Variants in MUC3A observed in about 807,000 individuals in gnomAD.
MUC3A encodes the protein mucin 3A, cell surface associated, also known as mucin-3A.
A neutral mutation model predicts 109.0 loss-of-function variants in MUC3A; 109 were observed. The observed-to-expected ratio is 1.00, with a 90% CI of 0.86 to 1.17. The LOEUF (loss-of-function observed/expected upper bound fraction) is 1.17, where lower values mean the gene tolerates loss of function less well. Ranked by LOEUF, MUC3A falls within the 50% of genes most tolerant of loss-of-function variation. The pLI is 0.00. For synonymous variants in MUC3A, 1,398 were observed against 981.4 expected, an observed-to-expected ratio of 1.42 and a Z score of -7.93; for missense variants, 3,537 against 2,469.4, an observed-to-expected ratio of 1.43 and a Z score of -9.16.
At position 100,951,902 on chromosome 7, in the gene MUC3A, C is replaced by A. The variant is rs573026294; in HGVS notation, c.123C>A (p.Ser41Arg). Residue 41 changes from serine to arginine, a missense_variant, in exon 2 of 12, where the codon AGC becomes AGA. Coordinates refer to ENST00000379458, the MANE Select transcript of MUC3A (RefSeq NM_005960.2). ...QVPFPRAEAA[S>R]AVLSNSPHSR... ...CTTTCCCCAGAGCAGAAGCAGCCAG[C>A]GCTGTGCTCAGCAATTCTCCACACT... 3.1e-5 allele frequency: 49 copies of A among 1,598,532 alleles called. No homozygotes were observed. The highest frequency in any genetic ancestry group is 6.7e-5 in the East Asian group (3 of 44,902).
rs78069287 is a variant in MUC3A, at chr7:100,952,922, G to A, written c.1143G>A (p.Thr381=). Residue 381 remains threonine, a synonymous_variant, in exon 2 of 12, where the codon ACG becomes ACA. Transcript: ENST00000379458. ...CTCTCCCAACCACAGAAACAGCCAC[G>A]ACTCCTATGACAAACTTGGTAACCA... is the stretch of plus-strand genomic sequence containing the variant. ...SSSLPTTETA[T]TPMTNLVTTT... The A allele has an allele frequency of 3.5e-5, 55 of 1,579,646 alleles. No homozygotes were observed. Among genetic ancestry groups the A allele is most frequent in the Middle Eastern group, 1.7e-4 (1 of 6,038 alleles).
In MUC3A at chr7:100,957,059, TC is replaced by T. The variant is rs1167574651; in HGVS notation, c.5286del (p.Ile1763SerfsTer11). 3 of 466,420 alleles carry T rather than the reference TC, an allele frequency of 6.4e-6. No individual in the cohort carries two copies. The highest frequency in any genetic ancestry group is 6.6e-5 in the South Asian group (1 of 15,044). The allele number at this position is 466,420 out of a possible 1,614,324, so 28.9% of individuals were successfully genotyped here. A position where few individuals can be genotyped will look rare whatever the true frequency, so the allele number is the denominator to read the frequency against. ...GSFKTAVSST[P>X]PITSSITSTY... ...CTTTCAAAACAGCCGTGAGTTCTAC[TC>T]CCCCCATCACTTCTTCAATCACCTC... On this transcript the variant is annotated frameshift_variant, in exon 2 of 12. Transcript: ENST00000379458. LOFTEE classifies it high-confidence loss of function.
chr7:100,964,081 G>A, intron 5 of MUC3A: 4 of 489,328 alleles, frequency 8.2e-6, no homozygotes, highest in East Asian at 3.7e-5. Context: ...GAGAGAGAAA[G>A]AGAGAGAGGG....
Position 100,959,083 on chromosome 7 carries a change from C to G in MUC3A, c.7304C>G (p.Thr2435Ser), listed in dbSNP as rs748844113. 15 of 1,526,790 alleles carry G rather than the reference C, an allele frequency of 9.8e-6. No individual in the cohort carries two copies. The highest frequency in any genetic ancestry group is 1.3e-5 in the Non-Finnish European group (15 of 1,149,804). The allele number at this position is 1,526,790 out of a possible 1,614,324, so 94.6% of individuals were successfully genotyped here. ...ACTTCTTCAATCACCACCACTGAGACCACCTCAGAGAGTACTCCCAGCCTC... is the reference window on the plus strand; with the variant it reads ...ACTTCTTCAATCACCACCACTGAGAGCACCTCAGAGAGTACTCCCAGCCTC... ...GFTSSITTTE[T>S]TSESTPSLSS... The change falls in exon 2 of 12, where the codon ACC becomes AGC. Residue 2435 changes from threonine (T) to serine (S), a missense_variant. By Grantham distance (58) the Thr-to-Ser change is moderately conservative. Coordinates refer to ENST00000379458, the MANE Select transcript of MUC3A (RefSeq NM_005960.2).
Position 100,958,556 on chromosome 7 carries a change from G to T in MUC3A, c.6777G>T (p.Ser2259=). The change falls in exon 2 of 12, where the codon TCG becomes TCT. Residue 2259 remains serine, a synonymous_variant. Transcript: ENST00000379458. ...ACAGTACTCCCAGCTTCACTTCTTC[G>T]ATCACCACCACTGAGACCACCTCAC... The part of the protein sequence containing the change: ...TSHSTPSFTS[S]ITTTETTSHD... The T allele has an allele frequency of 2.4e-5, 5 of 212,460 alleles. No individual in the cohort carries two copies. The highest frequency in any genetic ancestry group is 2.6e-5 in the Non-Finnish European group (4 of 153,332). 13.2% of individuals were successfully genotyped at this position (212,460 alleles called of 1,614,324 possible).
Position 100,960,409 on chromosome 7 carries a change from C to T in MUC3A, c.8630C>T (p.Ser2877Phe). The T allele has an allele frequency of 6.3e-7, 1 of 1,598,550 alleles. No homozygotes were observed. Among genetic ancestry groups the T allele is most frequent in the Non-Finnish European group, 8.5e-7 (1 of 1,179,822 alleles). The change falls in exon 2 of 12, where the codon TCT becomes TTT. Residue 2877 changes from serine to phenylalanine, a missense_variant. Physicochemically the swap from Ser to Phe is radical, Grantham distance 155. Transcript: ENST00000379458. The part of the protein sequence containing the change: ...PTSETWLSNS[S>F]VIPLPLPGVS... The stretch of plus-strand genomic sequence containing the variant: ...AGTGAGACCTGGCTGAGCAACAGTT[C>T]TGTGATCCCCCTACCTCTTCCTGGC...
chr7:100,966,875 T>C, intron 10 of MUC3A, 24 bp from the exon 11 acceptor site: 1 of 1,598,512 alleles, frequency 6.3e-7, no homozygotes, highest in Non-Finnish European at 8.5e-7. Context: ...CCCCTTCTCT[T>C]TCTCCGCTCC....
In MUC3A at chr7:100,967,300, C is replaced by T. The variant is rs587682187; in HGVS notation, c.*138C>T. ...TCTTGGGCAAGATGAGACTGTTCCCCCAAATCCCATCCTTCTCCTTCCAAC... is the reference window on the plus strand; with the variant it reads ...TCTTGGGCAAGATGAGACTGTTCCCTCAAATCCCATCCTTCTCCTTCCAAC... On this transcript the variant is annotated 3_prime_UTR_variant, in exon 12 of 12. Coordinates refer to ENST00000379458, the MANE Select transcript of MUC3A (RefSeq NM_005960.2). 33 of 1,372,430 alleles carry T rather than the reference C, an allele frequency of 2.4e-5. No individual in the cohort carries two copies. In the African/African-American group the frequency reaches 3.4e-4, roughly 14 times the overall value. 85.0% of individuals were successfully genotyped at this position (1,372,430 alleles called of 1,614,324 possible). A position where few individuals can be genotyped will look rare whatever the true frequency, so the allele number is the denominator to read the frequency against.
chr7:100,966,305 AC>A, intron 8 of MUC3A, 80 bp from the exon 9 acceptor site: 1 of 1,139,524 alleles, frequency 8.8e-7, no homozygotes, highest in East Asian at 3.5e-5. Context: ...CCGCCCCCTC[AC>A]CCGCCCCCGC....
At position 100,967,188 on chromosome 7, in the gene MUC3A, C is replaced by A. The variant is rs143536045; in HGVS notation, c.*26C>A. 1.9e-6 allele frequency: 3 copies of A among 1,598,356 alleles called. No homozygotes were observed. The highest frequency in any genetic ancestry group is 1.7e-6 in the Non-Finnish European group (2 of 1,179,796). On this transcript the variant is annotated 3_prime_UTR_variant, in exon 12 of 12. Coordinates refer to ENST00000379458, the MANE Select transcript of MUC3A (RefSeq NM_005960.2). ...GCCCTGCGGGGCCCCTTCACCACCC[C>A]CTCCGCCCTGCCCCGGACACAAGGG...
chr7:100,951,129 C>G (rs952019286), intron 1 of MUC3A, among the ~76,000 whole-genome samples: 2 of 152,204 alleles, frequency 1.3e-5, no homozygotes, highest in African/African-American at 4.8e-5. Context: ...CCTGCCTCAG[C>G]TACAGGTACA....
In MUC3A at chr7:100,959,417, C is replaced by G. The variant is rs202192758; in HGVS notation, c.7638C>G (p.Pro2546=). The change falls in exon 2 of 12, where the codon CCC becomes CCG. Residue 2546 remains proline (P), a synonymous_variant. Coordinates refer to ENST00000379458, the MANE Select transcript of MUC3A (RefSeq NM_005960.2). The part of the protein sequence containing the change: ...ETSSLVGTTS[P]TMSTVRMTLR... ...CATCCCTTGTGGGCACCACCTCTCC[C>G]ACCATGTCCACTGTGAGAATGACCC... The G allele has an allele frequency of 1.1e-3, 1,708 of 1,536,124 alleles. No individual in the cohort carries two copies. The highest frequency in any genetic ancestry group is 1.3e-3 in the Non-Finnish European group (1,500 of 1,152,862).
At position 100,967,267 on chromosome 7, in the gene MUC3A, C is replaced by G. The variant is rs896908605; in HGVS notation, c.*105C>G. ...CCCCAGGACGCGGGCAGCCCAGGCT[C>G]CTGCTGTTCTTGGGCAAGATGAGAC... is the stretch of plus-strand genomic sequence containing the variant. On this transcript the variant is annotated 3_prime_UTR_variant, in exon 12 of 12. Transcript: ENST00000379458. 2 of 1,532,476 alleles carry G rather than the reference C, an allele frequency of 1.3e-6. No individual in the cohort carries two copies. Among genetic ancestry groups the G allele is most frequent in the Non-Finnish European group, 1.8e-6 (2 of 1,135,636 alleles). The allele number at this position is 1,532,476 out of a possible 1,614,324, so 94.9% of individuals were successfully genotyped here.
At chr7:100,964,328 T>C in intron 5 of MUC3A, 1 of 249,822 alleles carries the variant, frequency 4.0e-6, no homozygotes, top group Non-Finnish European at 7.5e-6. Context: ...GGCATGGTAG[T>C]GCACACCTGT....
In MUC3A at chr7:100,957,721, C is replaced by A; in HGVS notation, c.5942C>A (p.Thr1981Asn). The change falls in exon 2 of 12, where the codon ACC (threonine) becomes AAC (asparagine). Residue 1981 changes from threonine (T) to asparagine (N), a missense_variant. Thr to Asn is a moderately conservative substitution (Grantham distance 65). Transcript: ENST00000379458. Reference protein sequence around the residue: ...NTPSLTSSITTTKTTSHSTPS... With the variant: ...NTPSLTSSITNTKTTSHSTPS... ...CCCAGCCTCACTTCTTCAATCACCA[C>A]CACCAAGACCACCTCACACAGTACT... 7.5e-7 allele frequency: 1 copy of A among 1,337,336 alleles called. No homozygotes were observed. Among genetic ancestry groups the A allele is most frequent in the Non-Finnish European group, 1.0e-6 (1 of 958,358 alleles). 82.8% of individuals were successfully genotyped at this position (1,337,336 alleles called of 1,614,324 possible). A position where few individuals can be genotyped will look rare whatever the true frequency, so the allele number is the denominator to read the frequency against.
chr7:100,959,521 C>G lies in MUC3A; in HGVS notation c.7742C>G (p.Pro2581Arg), dbSNP rs1432859344. The G allele has an allele frequency of 6.3e-7, 1 of 1,591,036 alleles. No individual in the cohort carries two copies. The highest frequency in any genetic ancestry group is 8.5e-7 in the Non-Finnish European group (1 of 1,176,510). The change falls in exon 2 of 12, where the codon CCT (proline) becomes CGT (arginine). Residue 2581 changes from proline (P) to arginine (R), a missense_variant. Physicochemically the swap from Pro to Arg is moderately radical, Grantham distance 103. Transcript: ENST00000379458. The part of the protein sequence containing the change: ...VVIPETPTQT[P>R]PVLTSATGTQ... ...ATACCTGAAACCCCAACACAGACCC[C>G]TCCTGTACTGACGTCAGCCACTGGG... is the stretch of plus-strand genomic sequence containing the variant.
Position 100,959,135 on chromosome 7 carries a change from C to G in MUC3A, c.7356C>G (p.Val2452=), listed in dbSNP as rs1563067680. The change falls in exon 2 of 12, where the codon GTC becomes GTG. Residue 2452 remains valine, a synonymous_variant. Transcript: ENST00000379458. ...SLSSSTIYST[V]STSTTAITSH... is the part of the protein sequence containing the mutation. ...GTTCTTCAACCATCTACTCCACAGT[C>G]AGCACATCCACAACTGCCATCACCT... The G allele has an allele frequency of 6.3e-7, 1 of 1,591,434 alleles. No homozygotes were observed. Among genetic ancestry groups the G allele is most frequent in the Non-Finnish European group, 8.5e-7 (1 of 1,177,118 alleles).
chr7:100,959,110 G>A lies in MUC3A; in HGVS notation c.7331G>A (p.Ser2444Asn). 8.1e-7 allele frequency: 1 copy of A among 1,241,968 alleles called. No individual in the cohort carries two copies. The highest frequency in any genetic ancestry group is 1.0e-6 in the Non-Finnish European group (1 of 993,420). 76.9% of individuals were successfully genotyped at this position (1,241,968 alleles called of 1,614,324 possible). Residue 2444 changes from serine to asparagine, a missense_variant, in exon 2 of 12, where the codon AGT becomes AAT. Transcript: ENST00000379458. Reference sequence around the variant, plus strand: ...ACCTCAGAGAGTACTCCCAGCCTCAGTTCTTCAACCATCTACTCCACAGTC... The same window carrying A: ...ACCTCAGAGAGTACTCCCAGCCTCAATTCTTCAACCATCTACTCCACAGTC... The part of the protein sequence containing the change: ...ETTSESTPSL[S>N]SSTIYSTVST...
Position 100,954,721 on chromosome 7 carries a change from C to G in MUC3A, c.2942C>G (p.Ala981Gly). 1 of 400,806 alleles carries G rather than the reference C, an allele frequency of 2.5e-6. No individual in the cohort carries two copies. Among genetic ancestry groups the G allele is most frequent in the Non-Finnish European group, 4.4e-6 (1 of 227,514 alleles). The allele number at this position is 400,806 out of a possible 1,614,324, so 24.8% of individuals were successfully genotyped here. A position where few individuals can be genotyped will look rare whatever the true frequency, so the allele number is the denominator to read the frequency against. Reference sequence around the variant, plus strand: ...CAGACCACCTTTCCCAGCTCTACAGCCACATTCCCTGAGACCACTACACTG... The same window carrying G: ...CAGACCACCTTTCCCAGCTCTACAGGCACATTCCCTGAGACCACTACACTG... ...RGQTTFPSST[A>G]TFPETTTLTP... The change falls in exon 2 of 12, where the codon GCC becomes GGC. Residue 981 changes from alanine to glycine, a missense_variant. Coordinates refer to ENST00000379458, the MANE Select transcript of MUC3A (RefSeq NM_005960.2).
Sources: allele counts gnomAD v4.1 joint callset (sites outside exome capture counted in the v4.1 genomes callset), GRCh38; gene constraint gnomAD v4.1.1; transcripts MANE v1.5; gene names NCBI Gene and HGNC (gene_info 2026-07-23, HGNC 2026-07-21).